Variants in CEP250 observed in about 807,000 individuals in gnomAD.
CEP250 encodes the protein centrosome-associated protein CEP250.
A neutral mutation model predicts 315.7 loss-of-function variants in CEP250; 242 were observed. The ratio of observed to expected loss-of-function variants is 0.77; its 90% CI spans 0.69 to 0.85. The LOEUF (loss-of-function observed/expected upper bound fraction) is 0.85. Ranked by LOEUF, CEP250 falls within the 40% of genes least tolerant of loss-of-function variation. The pLI is 0.00. For missense variants in CEP250, 2,515 were observed against 2,886.4 expected, an observed-to-expected ratio of 0.87 and a Z score of 2.95; for synonymous variants, 1,088 against 1,175.0, an observed-to-expected ratio of 0.93 and a Z score of 1.51.
chr20:35,463,185 C>T (rs999703358), intron 4 of CEP250, among the ~76,000 whole-genome samples: 2 of 152,152 alleles, frequency 1.3e-5, no homozygotes, highest in Non-Finnish European at 2.9e-5. Context: ...GGTGTATCAC[C>T]TGAGGTCAGG....
At position 35,505,380 on chromosome 20, in the gene CEP250, C is replaced by T. The variant is rs554218833; in HGVS notation, c.6636+375C>T. On this transcript the variant is annotated intron_variant, in intron 30 of 34. Coordinates refer to ENST00000397527, the MANE Select transcript of CEP250 (RefSeq NM_007186.6). The stretch of plus-strand genomic sequence containing the variant: ...TTTAAGATTAGACCTGGGCCAGGCA[C>T]GGTGGCTCACGCCGGTAATCCCAGC... 6.6e-5 allele frequency among the ~76,000 whole-genome samples: 10 copies of T among 152,236 alleles called. No homozygotes were observed. The South Asian group carries it at 8.3e-4, about 13-fold the overall frequency.
In CEP250 at chr20:35,467,528, A is replaced by G; in HGVS notation, c.824A>G (p.Asp275Gly). The G allele has an allele frequency of 6.2e-7, 1 of 1,614,002 alleles. No individual in the cohort carries two copies. The highest frequency in any genetic ancestry group is 8.5e-7 in the Non-Finnish European group (1 of 1,180,002). The change falls in exon 9 of 35, where the codon GAT becomes GGT. Residue 275 changes from aspartate (D) to glycine (G), a missense_variant. By Grantham distance (94) the Asp-to-Gly change is moderately conservative. Coordinates refer to ENST00000397527, the MANE Select transcript of CEP250 (RefSeq NM_007186.6). ...QELIQLKSQGDLEKAELQDRV... is the reference protein window; with the variant it reads ...QELIQLKSQGGLEKAELQDRV... The stretch of plus-strand genomic sequence containing the variant: ...TTAATACAGCTGAAGAGTCAAGGGG[A>G]TCTGGAGAAGGCTGAACTTCAGGAC...
Position 35,517,030 on chromosome 20 carries a change from G to A in CEP250, c.*5404G>A, listed in dbSNP as rs2064442493. On this transcript the variant is annotated 3_prime_UTR_variant, in exon 35 of 35. Coordinates refer to ENST00000397527, the MANE Select transcript of CEP250 (RefSeq NM_007186.6). ...TGCTGACTCAGACACCGGGCACTGA[G>A]AAAAGTGGGAAGCCATGGTCACAGA... is the stretch of plus-strand genomic sequence containing the variant. 1.0e-6 allele frequency: 1 copy of A among 985,450 alleles called. No individual in the cohort carries two copies. The highest frequency in any genetic ancestry group is 1.2e-6 in the Non-Finnish European group (1 of 830,016). The allele number at this position is 985,450 out of a possible 1,614,324, so 61.0% of individuals were successfully genotyped here. A position where few individuals can be genotyped will look rare whatever the true frequency, so the allele number is the denominator to read the frequency against.
At chr20:35,479,542 C>A in intron 18 of CEP250, 104 bp from the exon 19 acceptor site, 6 of 1,544,362 alleles carry the variant, frequency 3.9e-6, no homozygotes, top group Non-Finnish European at 5.2e-6. Context: ...TTATAATTGC[C>A]CCCCTAACTT....
At chr20:35,468,218 G>A (rs1480384994) in intron 9 of CEP250, among the ~76,000 whole-genome samples, 4 of 152,098 alleles carry the variant, frequency 2.6e-5, no homozygotes, top group African/African-American at 4.8e-5. Flanking sequence ...CAAAGTGTTG[G>A]GATTACAAGC....
rs764790289 is a variant in CEP250, at chr20:35,510,054, G to A, written c.7065G>A (p.Glu2355=). ...DAKCVAELQK[E]VVLLQAQLTL... Reference sequence around the variant, plus strand: ...AGTGTGTGGCTGAACTGCAGAAAGAGGTATGTTCTGGATTTTCTAAGCCCA... The same window carrying A: ...AGTGTGTGGCTGAACTGCAGAAAGAAGTATGTTCTGGATTTTCTAAGCCCA... The change falls in exon 34 of 35, where the codon GAG becomes GAA. Residue 2355 remains glutamate, a splice_region_variant and synonymous_variant. Transcript: ENST00000397527. 1.6e-5 allele frequency: 26 copies of A among 1,613,960 alleles called. No homozygotes were observed. In the Admixed American group the frequency reaches 2.2e-4, roughly 13 times the overall value.
At chr20:35,508,285 C>T (rs1180353352) in intron 32 of CEP250, 95 bp downstream of exon 32, 1 of 1,303,318 alleles carries the variant, frequency 7.7e-7, no homozygotes, top group African/African-American at 1.5e-5. Flanking sequence ...GGGCCAAATC[C>T]AGCCTGCTGC....
rs756074934 is a variant in CEP250, at chr20:35,467,393, G to A, written c.689G>A (p.Arg230Gln). The change falls in exon 9 of 35, where the codon CGG (arginine) becomes CAG (glutamine). Residue 230 changes from arginine to glutamine, a missense_variant. By Grantham distance (43) the Arg-to-Gln change is conservative. Coordinates refer to ENST00000397527, the MANE Select transcript of CEP250 (RefSeq NM_007186.6). The part of the protein sequence containing the change: ...CLRLTVGAQS[R>Q]EPNGSGRMDG... ...CGCTTGACTGTGGGAGCACAGTCTCGGGAACCCAACGGATCTGGAAGAATG... is the reference window on the plus strand; with the variant it reads ...CGCTTGACTGTGGGAGCACAGTCTCAGGAACCCAACGGATCTGGAAGAATG... The A allele has an allele frequency of 1.5e-5, 24 of 1,614,042 alleles. No homozygotes were observed. The highest frequency in any genetic ancestry group is 2.2e-5 in the East Asian group (1 of 44,900).
intron 34 of CEP250, 72 bp from the exon 35 acceptor site, chr20:35,511,289 CAG>C (rs2064348257): frequency 2.3e-6 from 3 of 1,304,458 alleles, no homozygotes; most frequent in South Asian, 1.4e-5. Context: ...TCAGAGAACA[CAG>C]AGCAGGAAGA....
intron 14 of CEP250, 112 bp from the exon 15 acceptor site, chr20:35,475,390 T>G: frequency 8.6e-7 from 1 of 1,160,634 alleles, no homozygotes; most frequent in Non-Finnish European, 1.2e-6. Context: ...TTATCAGTGT[T>G]TATAGACCAT....
intron 32 of CEP250, among the ~76,000 whole-genome samples, chr20:35,508,515 A>G (rs1463248860): frequency 6.6e-6 from 1 of 152,020 alleles, no homozygotes; most frequent in African/African-American, 2.4e-5. Context: ...GTGTTTCACT[A>G]TGTTGGCCAG....
intron 9 of CEP250, among the ~76,000 whole-genome samples, chr20:35,469,296 C>CA (rs1055297743): frequency 1.6e-4 from 23 of 147,002 alleles, no homozygotes; most frequent in Non-Finnish European, 2.3e-4. Context: ...GACCCTGTCT[C>CA]AAAAAAAAAA....
chr20:35,474,273 G>A (rs995391693), intron 14 of CEP250, among the ~76,000 whole-genome samples: 2 of 152,142 alleles, frequency 1.3e-5, no homozygotes, highest in African/African-American at 4.8e-5. Context: ...ACACTGAGGG[G>A]GATACAGAAA....
chr20:35,505,936 A>G (rs1479816602), intron 30 of CEP250, among the ~76,000 whole-genome samples: 2 of 152,198 alleles, frequency 1.3e-5, no homozygotes, highest in African/African-American at 4.8e-5. Context: ...TACAGCTCAC[A>G]AAGATTGCTC....
Position 35,504,366 on chromosome 20 carries a change from A to G in CEP250, c.5997A>G (p.Ala1999=), listed in dbSNP as rs369685029. ...ELSRSLEAST[A]TLQASLDACQ... ...GCCGCAGTCTGGAGGCCAGCACTGC[A>G]ACCCTGCAAGCCTCCCTGGATGCCT... Residue 1999 remains alanine (A), a synonymous_variant, in exon 30 of 35, where the codon GCA becomes GCG. Transcript: ENST00000397527. 2.4e-5 allele frequency: 38 copies of G among 1,599,138 alleles called. No homozygotes were observed. The highest frequency in any genetic ancestry group is 1.9e-4 in the African/African-American group (14 of 74,762).
intron 2 of CEP250, among the ~76,000 whole-genome samples, chr20:35,459,461 G>A (rs916650786): frequency 6.6e-6 from 1 of 152,072 alleles, no homozygotes. Context: ...GTTGAATGAT[G>A]TGAAATTGCC....
At chr20:35,488,451 TTTA>T (rs1417011408) in intron 20 of CEP250, among the ~76,000 whole-genome samples, 3 of 152,086 alleles carry the variant, frequency 2.0e-5, no homozygotes, top group African/African-American at 7.2e-5. Context: ...TTTTTTTCTT[TTTA>T]TTATTATTAT....
chr20:35,478,710 C>T (rs1260411015), intron 17 of CEP250, among the ~76,000 whole-genome samples: 1 of 152,174 alleles, frequency 6.6e-6, no homozygotes. Context: ...GTTTATATGT[C>T]TCTACCATTA....
rs763763160 is a variant in CEP250, at chr20:35,502,812, G to A, written c.4443G>A (p.Glu1481=). The A allele has an allele frequency of 6.2e-6, 10 of 1,614,126 alleles. No individual in the cohort carries two copies. In the African/African-American group the frequency reaches 1.2e-4, roughly 19 times the overall value. The change falls in exon 30 of 35, where the codon GAG becomes GAA. Residue 1481 remains glutamate (E), a synonymous_variant. Coordinates refer to ENST00000397527, the MANE Select transcript of CEP250 (RefSeq NM_007186.6). ...EVDLQQEQIQ[E]LEKCRSVLEH... is the part of the protein sequence containing the mutation. ...ATCTGCAGCAAGAACAGATTCAGGA[G>A]CTAGAGAAGTGTAGGTCTGTTTTAG...
Sources: gnomAD v4.1 joint callset for allele counts (sites outside exome capture counted in the v4.1 genomes callset) on GRCh38, gnomAD v4.1.1 for gene constraint, MANE v1.5 for transcripts, NCBI Gene and HGNC (gene_info 2026-07-23, HGNC 2026-07-21) for gene names.